Variants in NCF2 observed in about 807,000 individuals in gnomAD.
The protein encoded by NCF2 is neutrophil cytosol factor 2.
Under a neutral mutation model 70.9 loss-of-function variants are expected in NCF2, and 45 were observed. That is an observed-to-expected ratio of 0.63 (90% CI 0.50 to 0.81). The LOEUF (loss-of-function observed/expected upper bound fraction) is 0.81. NCF2 is among the 40% of genes least tolerant of loss of function. NCF2 has a pLI of 0.00. For missense variants in NCF2, 522 were observed against 631.6 expected (o/e 0.83, Z 1.86); for synonymous variants, 203 against 233.6 (o/e 0.87, Z 1.19).
chr1:183,567,168 C>T (rs749410546), intron 8 of NCF2, 36 bp downstream of exon 8: 38 of 1,613,964 alleles, frequency 2.4e-5, no homozygotes, highest in Non-Finnish European at 3.1e-5. Context: ...GCCAGGATCC[C>T]ATGCCCATCG....
At chr1:183,560,438 A>C (rs1038132179) in intron 13 of NCF2, among the ~76,000 whole-genome samples, 165 bp from the exon 14 acceptor site, 5 of 152,144 alleles carry the variant, frequency 3.3e-5, no homozygotes, top group African/African-American at 7.2e-5. Flanking sequence ...TGAATACTGG[A>C]TGGTTGGGTA....
At position 183,574,372 on chromosome 1, in the gene NCF2, C is replaced by G. The variant is rs1672702549; in HGVS notation, c.501+115G>C. 7 of 1,457,082 alleles carry G rather than the reference C, an allele frequency of 4.8e-6. No individual in the cohort carries two copies. In the South Asian group the frequency reaches 6.9e-5, roughly 14 times the overall value. 90.3% of individuals were successfully genotyped at this position (1,457,082 alleles called of 1,614,324 possible). On this transcript the variant is annotated intron_variant, in intron 4 of 14. Coordinates refer to ENST00000367535, the MANE Select transcript of NCF2 (RefSeq NM_000433.4). ...GAACTATACCCTAAGATCAGTGTTA[C>G]CCAGACTCACAGAAAGTAAAAGCAC...
chr1:183,592,920 G>A (rs1291395274), upstream of NCF2, among the ~76,000 whole-genome samples: 3 of 151,944 alleles, frequency 2.0e-5, no homozygotes. Flanking sequence ...CCTCTTTCTA[G>A]GCTGCCCTCT....
At chr1:183,581,475 A>T (rs1332555531) in intron 2 of NCF2, among the ~76,000 whole-genome samples, 2 of 151,580 alleles carry the variant, frequency 1.3e-5, no homozygotes, top group Admixed American at 1.3e-4. Flanking sequence ...CTCTAAAAAA[A>T]AAAAGATTAC....
rs562099929 is a variant in NCF2 at position 183,557,246 on chromosome 1, GT to G, written c.1469-1017del. On this transcript the variant is annotated intron_variant, in intron 14 of 14. Transcript: ENST00000367535. ...ACCTGACCACACAGCCAGTTCAGAA[GT>G]TTGTCTTTGTACATCTAGATCAGAC... is the stretch of plus-strand genomic sequence containing the variant. 1.8e-3 allele frequency among the ~76,000 whole-genome samples: 280 copies of G among 152,340 alleles called. 1 individual carries two copies. Among genetic ancestry groups the G allele is most frequent in the African/African-American group, 6.4e-3 (266 of 41,568 alleles).
rs767310465 is a variant in NCF2 at position 183,563,316 on chromosome 1, GATA to G, written c.1179-13_1179-11del. 3 of 1,613,918 alleles carry G rather than the reference GATA, an allele frequency of 1.9e-6. No individual in the cohort carries two copies. The South Asian group carries it at 3.3e-5, about 18-fold the overall frequency. On this transcript the variant is annotated splice_polypyrimidine_tract_variant and intron_variant, in intron 12 of 14. Transcript: ENST00000367535. ...GTCCCGAGGCCGATAGCTGGGTGGG[GATA>G]ATGAGTAAGAATCCAGTCAAAGAAC...
At chr1:183,599,457 T>TCTTTCTTC in the NCF2 span, among the ~76,000 whole-genome samples, 1 of 133,938 alleles carries the variant, frequency 7.5e-6, no homozygotes, top group South Asian at 2.4e-4. Context: ...TTTCTTTCTT[T>TCTTTCTTC]CTTTCTTTCT....
intron 4 of NCF2, 100 bp from the exon 5 acceptor site, chr1:183,573,392 AC>A: frequency 9.0e-7 from 1 of 1,107,196 alleles, no homozygotes; most frequent in East Asian, 2.4e-5. Context: ...CATTGAGATA[AC>A]CACATAGAAG....
At position 183,567,262 on chromosome 1, in the gene NCF2, A is replaced by G. The variant is rs772775720; in HGVS notation, c.797T>C (p.Ile266Thr). 3.1e-6 allele frequency: 5 copies of G among 1,614,112 alleles called. No individual in the cohort carries two copies. Among genetic ancestry groups the G allele is most frequent in the Admixed American group, 1.7e-5 (1 of 60,010 alleles). Reference protein sequence around the residue: ...KEELQVMPGNIVFVLKKGNDN... With the variant: ...KEELQVMPGNTVFVLKKGNDN... ...ATTGCCCTTCTTCAAGACAAAGACA[A>G]TGTTCCCTGGCATGACCTGGAGCTC... Residue 266 changes from isoleucine to threonine, a missense_variant, in exon 8 of 15, where the codon ATT (isoleucine) becomes ACT (threonine). By Grantham distance (89) the Ile-to-Thr change is moderately conservative. Transcript: ENST00000367535.
At position 183,559,794 on chromosome 1, in the gene NCF2, G is replaced by A. The variant is rs545993429; in HGVS notation, c.1468+302C>T. Among the ~76,000 whole-genome samples the A allele has an allele frequency of 2.0e-5, 3 of 152,322 alleles. No individual in the cohort carries two copies. In the South Asian group the frequency reaches 6.2e-4, roughly 32 times the overall value. ...GAATTGCTTGAACCCAGGAGGGGGA[G>A]GTTGCAGTGAGCCGAGATTGTGCCA... is the stretch of plus-strand genomic sequence containing the variant. On this transcript the variant is annotated intron_variant, in intron 14 of 14. Coordinates refer to ENST00000367535, the MANE Select transcript of NCF2 (RefSeq NM_000433.4).
upstream of NCF2, among the ~76,000 whole-genome samples, chr1:183,595,846 T>C (rs1452974041): frequency 1.3e-5 from 2 of 152,322 alleles, no homozygotes; most frequent in African/African-American, 2.4e-5. Context: ...CCATGTTCTA[T>C]TGATTAAAAG....
At chr1:183,599,431 T>TTTCC in the NCF2 span, among the ~76,000 whole-genome samples, 7 of 87,672 alleles carry the variant, frequency 8.0e-5, no homozygotes, top group African/African-American at 1.2e-4. Context: ...TCCTTCTTTC[T>TTTCC]TTCTTTCTTT....
At chr1:183,557,025 T>C (rs7520027) in intron 14 of NCF2, among the ~76,000 whole-genome samples, 6 of 152,226 alleles carry the variant, frequency 3.9e-5, no homozygotes, top group Non-Finnish European at 7.3e-5. Flanking sequence ...TAAATATAAA[T>C]ATTTTAATAG....
the NCF2 span, among the ~76,000 whole-genome samples, chr1:183,596,654 C>A: frequency 2.0e-5 from 3 of 151,874 alleles, no homozygotes; most frequent in African/African-American, 7.3e-5. Context: ...AGGTAGGAGA[C>A]TCTCTTGGAC....
chr1:183,595,363 G>A (rs1441547058), upstream of NCF2, among the ~76,000 whole-genome samples: 1 of 152,228 alleles, frequency 6.6e-6, no homozygotes, highest in East Asian at 1.9e-4. Context: ...TCTCCAGGAA[G>A]GCAAGTTAGT....
rs771120104 is a variant in NCF2, at chr1:183,573,281, T to A, written c.513A>T (p.Leu171=). Residue 171 remains leucine, a synonymous_variant, in exon 5 of 15, where the codon CTA becomes CTT. Transcript: ENST00000367535. Reference sequence around the variant, plus strand: ...CCACAGGGATCACCACTGGCTCATATAGCTTCTGCTTCTGTAACACAGAAA... The same window carrying A: ...CCACAGGGATCACCACTGGCTCATAAAGCTTCTGCTTCTGTAACACAGAAA... ...KAMECVWKQK[L]YEPVVIPVGK... 1 of 1,614,084 alleles carries A rather than the reference T, an allele frequency of 6.2e-7. No homozygotes were observed. The highest frequency in any genetic ancestry group is 1.1e-5 in the South Asian group (1 of 91,084).
the NCF2 span, among the ~76,000 whole-genome samples, chr1:183,599,423 C>CTTATTTCT: frequency 9.3e-6 from 1 of 107,426 alleles, no homozygotes; most frequent in African/African-American, 3.8e-5. Flanking sequence ...TCTTTCTTTC[C>CTTATTTCT]TTCTTTCTTT....
At chr1:183,599,735 T>C in the NCF2 span, among the ~76,000 whole-genome samples, 2 of 151,986 alleles carry the variant, frequency 1.3e-5, no homozygotes, top group African/African-American at 4.8e-5. Context: ...GTATTTTTAG[T>C]AGAGACAGGG....
rs769655977 is a variant in NCF2, at chr1:183,587,026, G to A, written c.175-49C>T. The A allele has an allele frequency of 2.2e-5, 34 of 1,543,204 alleles. No individual in the cohort carries two copies. The Admixed American group carries it at 5.3e-4, about 24-fold the overall frequency. ...TGGCCATGATGCAAGGCAGTGAGGA[G>A]GTGTGAGATGAGCCACGGCTCACAG... On this transcript the variant is annotated intron_variant, in intron 1 of 14. Transcript: ENST00000367535.
Sources: allele counts gnomAD v4.1 joint callset (sites outside exome capture counted in the v4.1 genomes callset), GRCh38; gene constraint gnomAD v4.1.1; transcripts MANE v1.5; gene names NCBI Gene and HGNC (gene_info 2026-07-23, HGNC 2026-07-21).